RPL18: variants seen among roughly 807,000 people sequenced by gnomAD.
RPL18 encodes the protein large ribosomal subunit protein eL18.
Under a neutral mutation model 25.0 loss-of-function variants are expected in RPL18, and 4 were observed. That is an observed-to-expected ratio of 0.16 (90% CI 0.08 to 0.37). The LOEUF (loss-of-function observed/expected upper bound fraction) is 0.37. Among genes scored for constraint, RPL18 ranks in the 10% least tolerant of loss-of-function variants. The pLI, the probability that RPL18 is intolerant of heterozygous loss-of-function variation, is 1.00. For synonymous variants in RPL18, 129 were observed against 101.6 expected, an observed-to-expected ratio of 1.27 and a Z score of -1.62; for missense variants, 179 against 267.9, an observed-to-expected ratio of 0.67 and a Z score of 2.32.
chr19:48,616,290 C>T, intron 4 of RPL18, 88 bp from the exon 5 acceptor site: 1 of 1,543,988 alleles, frequency 6.5e-7, no homozygotes, highest in Non-Finnish European at 8.8e-7. Flanking sequence ...CTTGGCGCAG[C>T]AGAGCCCTGG....
intron 3 of RPL18, chr19:48,617,087 C>T: frequency 1.4e-6 from 1 of 704,386 alleles, no homozygotes; most frequent in Admixed American, 2.0e-5. Context: ...CTCCTGAAGC[C>T]ACCAGGACAC....
intron 5 of RPL18, 37 bp downstream of exon 5, chr19:48,616,042 C>A: frequency 6.2e-7 from 1 of 1,613,940 alleles, no homozygotes; most frequent in Non-Finnish European, 8.5e-7. Context: ...AGTAGCCACA[C>A]AGCTCAGTCC....
intron 1 of RPL18, 38 bp downstream of exon 1, chr19:48,619,103 C>A: frequency 1.3e-6 from 2 of 1,531,314 alleles, no homozygotes; most frequent in South Asian, 2.3e-5. Context: ...CGGATGGCAG[C>A]GGATTATCCA....
chr19:48,616,493 C>T (rs1974174914), intron 4 of RPL18: 2 of 692,862 alleles, frequency 2.9e-6, no homozygotes, highest in Non-Finnish European at 5.2e-6. Context: ...GCTCTAGGGG[C>T]CAGCACTAAC....
At chr19:48,619,006 G>A in intron 1 of RPL18, 135 bp downstream of exon 1, 1 of 906,766 alleles carries the variant, frequency 1.1e-6, no homozygotes, top group Non-Finnish European at 1.8e-6. Context: ...GGCCCCCAGA[G>A]TAGGTCCCCA....
intron 6 of RPL18, 62 bp from the exon 7 acceptor site, chr19:48,615,509 C>G: frequency 1.7e-6 from 2 of 1,209,530 alleles, no homozygotes; most frequent in Non-Finnish European, 2.4e-6. Flanking sequence ...TGGAGTGGCA[C>G]AGGAACACCA....
At chr19:48,618,905 T>C in intron 1 of RPL18, 1 of 560,816 alleles carries the variant, frequency 1.8e-6, no homozygotes, top group Non-Finnish European at 3.2e-6. Flanking sequence ...CCTGGCTTTG[T>C]AAACCCAGTC....
intron 1 of RPL18, 53 bp downstream of exon 1, chr19:48,619,088 C>T (rs1352247121): frequency 6.3e-7 from 1 of 1,585,004 alleles, no homozygotes; most frequent in African/African-American, 1.3e-5. Context: ...AGCCCAAAAC[C>T]ACGGCGGATG....
intron 4 of RPL18, 139 bp downstream of exon 4, chr19:48,616,587 G>A: frequency 1.3e-6 from 1 of 764,492 alleles, no homozygotes; most frequent in East Asian, 2.6e-5. Context: ...AATCCTCAAA[G>A]CCACTCAGAC....
Position 48,616,798 on chromosome 19 carries a change from C to T in RPL18, c.225G>A (p.Arg75=), listed in dbSNP as rs759634932. 1.9e-6 allele frequency: 3 copies of T among 1,613,816 alleles called. No individual in the cohort carries two copies. The highest frequency in any genetic ancestry group is 1.1e-5 in the South Asian group (1 of 91,076). Residue 75 remains arginine (R), a synonymous_variant, in exon 4 of 7, where the codon CGG becomes CGA. Coordinates refer to ENST00000549920, the MANE Select transcript of RPL18 (RefSeq NM_000979.4). ...RMIRKMKLPG[R]ENKTAVVVGT... ...CCACAACCACGGCCGTCTTGTTTTC[C>T]CGGCCAGGAAGCTTCATCTTCCGGA... is the stretch of plus-strand genomic sequence containing the variant.
At chr19:48,618,898 G>A (rs1280860132) in intron 1 of RPL18, 3 of 555,108 alleles carry the variant, frequency 5.4e-6, no homozygotes, top group Non-Finnish European at 9.6e-6. Context: ...GCCACTTCCT[G>A]GCTTTGTAAA....
intron 3 of RPL18, 65 bp from the exon 4 acceptor site, chr19:48,616,889 A>G: frequency 8.0e-7 from 1 of 1,249,968 alleles, no homozygotes; most frequent in Non-Finnish European, 1.2e-6. Context: ...CGCTTGAGGC[A>G]TCCCCAGGCC....
rs1302181407 is a variant in RPL18, at chr19:48,615,858, C to A, written c.491+19G>T. ...GGCTGAGTCTGGGGAGAGGGCAGGG[C>A]TGGGGGCCTGATACTCACTTGGTGT... On this transcript the variant is annotated intron_variant, in intron 6 of 6. Coordinates refer to ENST00000549920, the MANE Select transcript of RPL18 (RefSeq NM_000979.4). The A allele has an allele frequency of 2.5e-6, 4 of 1,598,314 alleles. 1 individual carries two copies. In the South Asian group the frequency reaches 3.4e-5, roughly 13 times the overall value.
intron 4 of RPL18, 152 bp downstream of exon 4, chr19:48,616,574 A>G: frequency 1.4e-6 from 1 of 739,998 alleles, no homozygotes; most frequent in South Asian, 1.4e-5. Context: ...GACGACCCAC[A>G]CCAATCCTCA....
At chr19:48,616,020 G>C (rs1210332049) in intron 5 of RPL18, 59 bp downstream of exon 5, 8 of 1,613,688 alleles carry the variant, frequency 5.0e-6, no homozygotes, top group Admixed American at 1.7e-5. Flanking sequence ...ATCCAGGAGG[G>C]TGAAGGCTGC....
chr19:48,617,455 G>A lies in RPL18; in HGVS notation c.91-32C>T, dbSNP rs1348123851. The A allele has an allele frequency of 2.7e-6, 4 of 1,508,932 alleles. No individual in the cohort carries two copies. The Admixed American group carries it at 6.7e-5, about 25-fold the overall frequency. The allele number at this position is 1,508,932 out of a possible 1,614,324, so 93.5% of individuals were successfully genotyped here. On this transcript the variant is annotated intron_variant, in intron 2 of 6. Transcript: ENST00000549920. ...GGACGGGAAGACAGTGAGAAGCTGG[G>A]ACAGCCTGCTCCCCCGCAGCCTTCC...
intron 4 of RPL18, 123 bp from the exon 5 acceptor site, chr19:48,616,325 C>T (rs1329962273): frequency 3.0e-5 from 37 of 1,246,788 alleles, no homozygotes; most frequent in Non-Finnish European, 3.8e-5. Context: ...GTTTACTACC[C>T]GGAGCACCCT....
rs199925096 is a variant in RPL18 at position 48,615,425 on chromosome 19, G to A, written c.514C>T (p.Arg172Trp). The change falls in exon 7 of 7, where the codon CGG (arginine) becomes TGG (tryptophan). Residue 172 changes from arginine (R) to tryptophan (W), a missense_variant. By Grantham distance (101) the Arg-to-Trp change is moderately radical. Coordinates refer to ENST00000549920, the MANE Select transcript of RPL18 (RefSeq NM_000979.4). ...CGGCCTCTGGCACGCTCGAACTTCC[G>A]GCCCTTGGAGCGGACGTAGGGTCTG... The part of the protein sequence containing the change: ...HTKPYVRSKG[R>W]KFERARGRRA... The A allele has an allele frequency of 6.8e-6, 11 of 1,613,130 alleles. No individual in the cohort carries two copies. Among genetic ancestry groups the A allele is most frequent in the East Asian group, 2.2e-5 (1 of 44,860 alleles).
In RPL18 at chr19:48,616,082, A is replaced by C. The variant is rs761204720; in HGVS notation, c.418T>G (p.Ser140Ala). 6.2e-7 allele frequency: 1 copy of C among 1,614,014 alleles called. No homozygotes were observed. The highest frequency in any genetic ancestry group is 8.5e-7 in the Non-Finnish European group (1 of 1,180,008). The part of the protein sequence containing the change: ...SPKGCGTVLL[S>A]GPRKGREVYR... ...CCGTCGACCACGTATCACTCACCGGAGAGCAGGACAGTGCCACAGCCCTTA... is the reference window on the plus strand; with the variant it reads ...CCGTCGACCACGTATCACTCACCGGCGAGCAGGACAGTGCCACAGCCCTTA... The change falls in exon 5 of 7, where the codon TCC (serine) becomes GCC (alanine). Residue 140 changes from serine to alanine, a missense_variant. Transcript: ENST00000549920.
Sources: gnomAD v4.1 joint callset for allele counts on GRCh38, gnomAD v4.1.1 for gene constraint, MANE v1.5 for transcripts, NCBI Gene and HGNC (gene_info 2026-07-23, HGNC 2026-07-21) for gene names.